STK32B: variants seen among roughly 807,000 people sequenced by gnomAD.
STK32B encodes serine/threonine kinase 32B, also known as serine/threonine-protein kinase 32B.
STK32B carries 43 observed loss-of-function variants against 52.6 expected under a neutral mutation model. That is an observed-to-expected ratio of 0.82 (90% CI 0.64 to 1.05). The LOEUF (loss-of-function observed/expected upper bound fraction) is 1.05, where lower values mean the gene tolerates loss of function less well. STK32B is among the 50% of genes least tolerant of loss of function. STK32B has a pLI of 0.00. For synonymous variants in STK32B, 238 were observed against 204.3 expected (o/e 1.17, Z -1.41); for missense variants, 621 against 534.6 (o/e 1.16, Z -1.59).
intron 2 of STK32B, among the ~76,000 whole-genome samples, chr4:5,156,099 A>G (rs1033939940): frequency 6.6e-6 from 1 of 151,880 alleles, no homozygotes; most frequent in Non-Finnish European, 1.5e-5. Context: ...ATGCATATAC[A>G]TATATACACT....
chr4:5,353,992 T>C (rs1308993782), intron 4 of STK32B, among the ~76,000 whole-genome samples: 1 of 152,310 alleles, frequency 6.6e-6, no homozygotes, highest in Non-Finnish European at 1.5e-5. Flanking sequence ...TAAGTGTCCA[T>C]TGGCAGACAA....
At chr4:5,101,613 A>G (rs766258125) in intron 1 of STK32B, among the ~76,000 whole-genome samples, 1 of 152,132 alleles carries the variant, frequency 6.6e-6, no homozygotes, top group African/African-American at 2.4e-5. Flanking sequence ...TTGTACCCCA[A>G]TTACAGGCTA....
intron 11 of STK32B, among the ~76,000 whole-genome samples, chr4:5,489,584 T>G (rs1719525433): frequency 6.6e-6 from 1 of 152,124 alleles, no homozygotes; most frequent in Non-Finnish European, 1.5e-5. Context: ...CATTTTAAAT[T>G]TTATTTCATT....
intron 4 of STK32B, among the ~76,000 whole-genome samples, chr4:5,379,466 C>G (rs11734629): frequency 0.23 from 35,215 of 152,092 alleles, 4,398 homozygotes; most frequent in African/African-American, 0.33. Flanking sequence ...GGATTCCCAT[C>G]TCTCCACATA....
intron 2 of STK32B, among the ~76,000 whole-genome samples, chr4:5,151,983 G>T (rs1033572223): frequency 4.6e-5 from 7 of 152,132 alleles, no homozygotes; most frequent in Admixed American, 3.3e-4. Context: ...CCAGCCACAT[G>T]GACCATATTC....
Position 5,417,232 on chromosome 4 carries a change from G to A in STK32B, c.562+298G>A, listed in dbSNP as rs181898543. Reference sequence around the variant, plus strand: ...AACAAGTATTTTCTTTTCCATTTATGTTCAGTATTTTCCAGAATTTAACTT... The same window carrying A: ...AACAAGTATTTTCTTTTCCATTTATATTCAGTATTTTCCAGAATTTAACTT... On this transcript the variant is annotated intron_variant, in intron 6 of 11. Coordinates refer to ENST00000282908, the MANE Select transcript of STK32B (RefSeq NM_018401.3). Among the ~76,000 whole-genome samples, 10 of 152,334 alleles carry A rather than the reference G, an allele frequency of 6.6e-5. No individual in the cohort carries two copies. In the East Asian group the frequency reaches 1.3e-3, roughly 21 times the overall value.
At chr4:5,124,734 G>A (rs975057719) in intron 1 of STK32B, among the ~76,000 whole-genome samples, 1 of 152,198 alleles carries the variant, frequency 6.6e-6, no homozygotes, top group Non-Finnish European at 1.5e-5. Context: ...ATGCATGTGT[G>A]TATGTGTGAG....
chr4:5,096,558 G>T (rs979508396), intron 1 of STK32B, among the ~76,000 whole-genome samples: 1 of 152,148 alleles, frequency 6.6e-6, no homozygotes, highest in Non-Finnish European at 1.5e-5. Flanking sequence ...TGTTGGAAGG[G>T]CTACATTATT....
intron 1 of STK32B, among the ~76,000 whole-genome samples, chr4:5,091,866 C>T (rs189581245): frequency 1.2e-4 from 19 of 152,200 alleles, no homozygotes; most frequent in African/African-American, 3.9e-4. Context: ...TATTTTTGAG[C>T]CATAAGAGGA....
intron 6 of STK32B, among the ~76,000 whole-genome samples, chr4:5,418,739 A>C (rs1712371473): frequency 6.6e-6 from 1 of 152,226 alleles, no homozygotes; most frequent in African/African-American, 2.4e-5. Context: ...GTTTGGCCTC[A>C]CTTAACTCTG....
Position 5,301,746 on chromosome 4 carries a change from C to CTTTT in STK32B, c.261-29465_261-29462dup, listed in dbSNP as rs3077862. Among the ~76,000 whole-genome samples the CTTTT allele has an allele frequency of 1.1e-3, 134 of 124,384 alleles. No homozygotes were observed. The South Asian group carries it at 0.011, about 10-fold the overall frequency. The allele number at this position is 124,384 out of a possible 152,430, so 81.6% of individuals were successfully genotyped here. On this transcript the variant is annotated intron_variant, in intron 3 of 11. Transcript: ENST00000282908. Reference sequence around the variant, plus strand: ...AAGAATCAGATTTCAGTTCCATTAGCTTTTTTTTTTTTGAAAACTGTTAGT... The same window carrying CTTTT: ...AAGAATCAGATTTCAGTTCCATTAGCTTTTTTTTTTTTTTTTGAAAACTGTTAGT...
In STK32B at chr4:5,441,167, T is replaced by C. The variant is rs1354646495; in HGVS notation, c.563-5506T>C. 1.9e-4 allele frequency among the ~76,000 whole-genome samples: 28 copies of C among 149,690 alleles called. No homozygotes were observed. In the South Asian group the frequency reaches 6.0e-3, roughly 32 times the overall value. On this transcript the variant is annotated intron_variant, in intron 6 of 11. Coordinates refer to ENST00000282908, the MANE Select transcript of STK32B (RefSeq NM_018401.3). ...CTCTTTTTCTATTGATTGGAATAGT[T>C]TCAGAAGGAATGGTACCAGTTCCTC...
chr4:5,206,626 G>C (rs1722593037), intron 3 of STK32B, among the ~76,000 whole-genome samples: 2 of 152,126 alleles, frequency 1.3e-5, no homozygotes, highest in African/African-American at 4.8e-5. Context: ...CGAATGATGA[G>C]TCATGCACAC....
chr4:5,073,331 T>G (rs1711886511), intron 1 of STK32B, among the ~76,000 whole-genome samples: 2 of 152,156 alleles, frequency 1.3e-5, no homozygotes, highest in South Asian at 4.1e-4. Flanking sequence ...ATTTACAATA[T>G]ACATCTTTAT....
intron 2 of STK32B, 108 bp downstream of exon 2, chr4:5,140,068 C>A: frequency 6.7e-7 from 1 of 1,501,548 alleles, no homozygotes; most frequent in African/African-American, 1.4e-5. Context: ...AGTAAGATTT[C>A]GACTTGACAA....
chr4:5,497,189 C>T (rs1250359566), intron 11 of STK32B, among the ~76,000 whole-genome samples: 5 of 152,162 alleles, frequency 3.3e-5, no homozygotes, highest in African/African-American at 7.2e-5. Flanking sequence ...AACATGTTAG[C>T]AGCTGGAATC....
Position 5,396,550 on chromosome 4 carries a change from C to T in STK32B, c.435-1657C>T, listed in dbSNP as rs1736933371. Reference sequence around the variant, plus strand: ...ATCACATCTTCTTGGGTCTGTCACCCCACCCTCACCTCACCTGTGTCCTGA... The same window carrying T: ...ATCACATCTTCTTGGGTCTGTCACCTCACCCTCACCTCACCTGTGTCCTGA... On this transcript the variant is annotated intron_variant, in intron 4 of 11. Transcript: ENST00000282908. This position sits in a 1 kb window ranked among gnomAD's most constrained non-coding sequence, Gnocchi z 4.7. Among the ~76,000 whole-genome samples the T allele has an allele frequency of 6.6e-6, 1 of 152,118 alleles. No homozygotes were observed. Among genetic ancestry groups the T allele is most frequent in the Non-Finnish European group, 1.5e-5 (1 of 68,012 alleles).
chr4:5,367,704 T>C (rs1734965893), intron 4 of STK32B, among the ~76,000 whole-genome samples: 1 of 152,226 alleles, frequency 6.6e-6, no homozygotes, highest in Non-Finnish European at 1.5e-5. Flanking sequence ...TCTCTGCCAC[T>C]GGTCTATTTA....
intron 6 of STK32B, among the ~76,000 whole-genome samples, chr4:5,439,493 C>A (rs1714488653): frequency 6.6e-6 from 1 of 151,562 alleles, no homozygotes; most frequent in South Asian, 2.1e-4. Flanking sequence ...ATTGTAGATT[C>A]TGGATATTAG....
Sources: gnomAD v4.1 joint callset for allele counts (sites outside exome capture counted in the v4.1 genomes callset) on GRCh38, gnomAD v4.1.1 for gene constraint, Gnocchi (gnomAD v3.1) non-coding constraint, MANE v1.5 for transcripts, NCBI Gene and HGNC (gene_info 2026-07-23, HGNC 2026-07-21) for gene names.